Variants in SRGAP1 observed in about 807,000 individuals in gnomAD.
SRGAP1 encodes the protein SLIT-ROBO Rho GTPase-activating protein 1.
In SRGAP1, 43 loss-of-function variants were observed where a neutral mutation model predicts 121.9. The observed-to-expected ratio is 0.35, with a 90% confidence interval of 0.28 to 0.46. The LOEUF (loss-of-function observed/expected upper bound fraction) is 0.46, where lower values mean the gene tolerates loss of function less well. Ranked by LOEUF, SRGAP1 falls within the 20% of genes least tolerant of loss-of-function variation. SRGAP1 has a pLI of 1.00. For missense variants in SRGAP1, 1,102 were observed against 1,350.9 expected, an observed-to-expected ratio of 0.82 and a Z score of 2.89; for synonymous variants, 447 against 485.4, an observed-to-expected ratio of 0.92 and a Z score of 1.04.
At chr12:63,871,910 C>G (rs1394888079) in intron 1 of SRGAP1, 1 of 1,419,940 alleles carries the variant, frequency 7.0e-7, no homozygotes, top group Non-Finnish European at 1.0e-6. Context: ...GCTTTGTCTG[C>G]CCACCATAGC....
chr12:64,041,651 G>A (rs1450748801), intron 4 of SRGAP1, among the ~76,000 whole-genome samples: 1 of 151,656 alleles, frequency 6.6e-6, no homozygotes, highest in African/African-American at 2.4e-5. Flanking sequence ...CTCCCAAAAT[G>A]TGCTGGGATT....
chr12:63,850,669 T>G (rs1899048060), intron 1 of SRGAP1, among the ~76,000 whole-genome samples: 1 of 149,874 alleles, frequency 6.7e-6, no homozygotes, highest in Non-Finnish European at 1.5e-5. Context: ...CCTGAGCTCC[T>G]GCCTCAGCCT....
rs2037007137 is a variant in SRGAP1 at position 64,143,803 on chromosome 12, A to T, written c.*1131A>T. 1.3e-5 allele frequency: 2 copies of T among 152,150 alleles called. No individual in the cohort carries two copies. Among genetic ancestry groups the T allele is most frequent in the East Asian group, 3.9e-4 (2 of 5,182 alleles). 9.4% of individuals were successfully genotyped at this position (152,150 alleles called of 1,614,324 possible). A position where few individuals can be genotyped will look rare whatever the true frequency, so the allele number is the denominator to read the frequency against. On this transcript the variant is annotated 3_prime_UTR_variant, in exon 22 of 22. Transcript: ENST00000355086. ...CTTAAAAAAAAAAAAAATGCTACAAAGTCCTGATGATCCTAAATTTGAAAT... is the reference window on the plus strand; with the variant it reads ...CTTAAAAAAAAAAAAAATGCTACAATGTCCTGATGATCCTAAATTTGAAAT...
Position 64,064,819 on chromosome 12 carries a change from A to G in SRGAP1, c.1024-299A>G, listed in dbSNP as rs182337628. Among the ~76,000 whole-genome samples the G allele has an allele frequency of 2.6e-5, 4 of 152,262 alleles. No individual in the cohort carries two copies. The East Asian group carries it at 7.7e-4, about 29-fold the overall frequency. On this transcript the variant is annotated intron_variant, in intron 7 of 21. Transcript: ENST00000355086. ...CTGCAAAAGAGTCATTAAGAATTCCACGAGTGAGATTTCAGCATCGGAGCT... is the reference window on the plus strand; with the variant it reads ...CTGCAAAAGAGTCATTAAGAATTCCGCGAGTGAGATTTCAGCATCGGAGCT...
intron 18 of SRGAP1, among the ~76,000 whole-genome samples, chr12:64,122,937 GGTCGTGATT>G (rs2036626551): frequency 6.6e-6 from 1 of 152,078 alleles, no homozygotes; most frequent in Non-Finnish European, 1.5e-5. Flanking sequence ...TGATCATAGA[GGTCGTGATT>G]GTGCAATTAT....
At chr12:63,951,077 C>T (rs1175115911) in intron 1 of SRGAP1, among the ~76,000 whole-genome samples, 1 of 136,474 alleles carries the variant, frequency 7.3e-6, no homozygotes, top group Non-Finnish European at 1.5e-5. Flanking sequence ...TCTCAGGTGT[C>T]TTATCTGAGT....
chr12:63,920,146 C>G (rs2030981928), intron 1 of SRGAP1, among the ~76,000 whole-genome samples: 1 of 152,234 alleles, frequency 6.6e-6, no homozygotes, highest in South Asian at 2.1e-4. Context: ...CCAGCAGACC[C>G]ACTTTTTATC....
chr12:63,857,721 A>G (rs1899304610), intron 1 of SRGAP1, among the ~76,000 whole-genome samples: 1 of 152,158 alleles, frequency 6.6e-6, no homozygotes, highest in Admixed American at 6.5e-5. Context: ...CTAGTCTGCT[A>G]TTTCAAAGAA....
chr12:64,084,367 G>A (rs897789092), intron 10 of SRGAP1, among the ~76,000 whole-genome samples: 3 of 61,318 alleles, frequency 4.9e-5, no homozygotes, highest in Admixed American at 3.6e-4. Context: ...GTGGTCCGTT[G>A]TTTTTAATAA....
intron 1 of SRGAP1, among the ~76,000 whole-genome samples, chr12:63,980,459 G>A (rs2033216831): frequency 1.3e-5 from 2 of 152,102 alleles, no homozygotes; most frequent in South Asian, 4.2e-4. Flanking sequence ...TGCTGATTAA[G>A]GTGAGCACAA....
At chr12:64,113,982 A>G (rs1403881715) in intron 17 of SRGAP1, among the ~76,000 whole-genome samples, 1 of 152,244 alleles carries the variant, frequency 6.6e-6, no homozygotes, top group African/African-American at 2.4e-5. Flanking sequence ...AAGATTAAGT[A>G]GAAGTGGAAT....
At chr12:63,922,139 G>A (rs768514850) in intron 1 of SRGAP1, among the ~76,000 whole-genome samples, 3 of 151,844 alleles carry the variant, frequency 2.0e-5, no homozygotes, top group East Asian at 1.9e-4. Context: ...CCACCACACC[G>A]GGCTTATTTT....
At chr12:64,056,548 A>G (rs2335388) in intron 6 of SRGAP1, among the ~76,000 whole-genome samples, 1 of 136,532 alleles carries the variant, frequency 7.3e-6, no homozygotes, top group Non-Finnish European at 1.6e-5. Flanking sequence ...ATGAGACTCC[A>G]CAAAAAAAAA....
At chr12:64,062,162 A>G (rs112616169) in intron 6 of SRGAP1, among the ~76,000 whole-genome samples, 3,702 of 152,172 alleles carry the variant, frequency 0.024, 137 homozygotes, top group African/African-American at 0.082. Context: ...GAGGGCTCCA[A>G]TTTCTCCACA....
chr12:64,035,122 A>T (rs1376346053), intron 4 of SRGAP1, among the ~76,000 whole-genome samples: 1 of 101,850 alleles, frequency 9.8e-6, no homozygotes, highest in Admixed American at 9.1e-5. Flanking sequence ...GGGGGATGGG[A>T]TGGGAACTGA....
chr12:64,068,016 A>G (rs2035570159), intron 8 of SRGAP1, among the ~76,000 whole-genome samples: 1 of 152,036 alleles, frequency 6.6e-6, no homozygotes, highest in African/African-American at 2.4e-5. Flanking sequence ...CAAATCTTAG[A>G]ATACTTTAAA....
intron 3 of SRGAP1, among the ~76,000 whole-genome samples, chr12:63,999,424 C>T (rs113491388): frequency 1.4e-3 from 210 of 152,272 alleles, no homozygotes; most frequent in African/African-American, 4.9e-3. Context: ...CAGTTTGCAG[C>T]TCTTGGAACT....
chr12:63,992,753 A>G (rs917025459), intron 3 of SRGAP1, among the ~76,000 whole-genome samples: 23 of 152,016 alleles, frequency 1.5e-4, no homozygotes, highest in African/African-American at 5.3e-4. Flanking sequence ...ACAAAAACAG[A>G]TATGTCTTCT....
At chr12:63,953,961 G>A (rs117185669) in intron 1 of SRGAP1, among the ~76,000 whole-genome samples, 4 of 152,194 alleles carry the variant, frequency 2.6e-5, no homozygotes, top group South Asian at 2.1e-4. Flanking sequence ...ATTTTTCACC[G>A]TCAATCTTTT....
Sources: gnomAD v4.1 joint callset for allele counts (sites outside exome capture counted in the v4.1 genomes callset) on GRCh38, gnomAD v4.1.1 for gene constraint, MANE v1.5 for transcripts, NCBI Gene and HGNC (gene_info 2026-07-23, HGNC 2026-07-21) for gene names.